Variants in ZNF280D observed in about 807,000 individuals in gnomAD.
The protein encoded by ZNF280D is zinc finger protein 280D.
Under a neutral mutation model 94.7 loss-of-function variants are expected in ZNF280D, and 39 were observed. That is an observed-to-expected ratio of 0.41 (90% CI 0.32 to 0.54). The LOEUF is 0.54. Among genes scored for constraint, ZNF280D ranks in the 20% least tolerant of loss-of-function variants. ZNF280D has a pLI of 0.22. For missense variants in ZNF280D, 1,090 were observed against 1,149.3 expected, an observed-to-expected ratio of 0.95 and a Z score of 0.75; for synonymous variants, 398 against 377.6, an observed-to-expected ratio of 1.05 and a Z score of -0.63.
chr15:56,732,443 T>C (rs2058938061), intron 1 of ZNF280D, among the ~76,000 whole-genome samples: 1 of 152,196 alleles, frequency 6.6e-6, no homozygotes, highest in African/African-American at 2.4e-5. Flanking sequence ...CAGCTGGAGT[T>C]GGCACAGCAG....
intron 1 of ZNF280D, among the ~76,000 whole-genome samples, chr15:56,718,437 C>T (rs1252893968): frequency 1.3e-5 from 2 of 152,156 alleles, no homozygotes; most frequent in African/African-American, 4.8e-5. Flanking sequence ...TCAAACACCT[C>T]AAATATTATA....
intron 1 of ZNF280D, 134 bp downstream of exon 1, chr15:56,733,324 T>C: frequency 2.5e-6 from 1 of 394,040 alleles, no homozygotes; most frequent in East Asian, 1.6e-4. Flanking sequence ...TCCCCCGCGC[T>C]CTGGGCGCTC....
chr15:56,699,682 C>T (rs536457756), intron 6 of ZNF280D: 1 of 680,022 alleles, frequency 1.5e-6, no homozygotes, highest in East Asian at 1.3e-4. Flanking sequence ...AAAAAAAAAT[C>T]AGGTAGTTTA....
chr15:56,637,840 G>A lies in ZNF280D; in HGVS notation c.2260-2590C>T, dbSNP rs368661305. ...TATTCTTCACACCACACCGAGACAA[G>A]TTAAAAAAAAAAACTTTATTAAATC... On this transcript the variant is annotated intron_variant, in intron 20 of 21. Coordinates refer to ENST00000267807, the MANE Select transcript of ZNF280D (RefSeq NM_017661.4). 3.1e-4 allele frequency among the ~76,000 whole-genome samples: 47 copies of A among 150,770 alleles called. No individual in the cohort carries two copies. In the South Asian group the frequency reaches 8.0e-3, roughly 26 times the overall value.
At chr15:56,716,848 GC>G (rs1468931713) in intron 1 of ZNF280D, among the ~76,000 whole-genome samples, 1 of 152,054 alleles carries the variant, frequency 6.6e-6, no homozygotes, top group African/African-American at 2.4e-5. Context: ...ATATTTATTG[GC>G]TCATTTGTAG....
chr15:56,708,332 G>A (rs563447953), intron 1 of ZNF280D, among the ~76,000 whole-genome samples: 115 of 152,224 alleles, frequency 7.6e-4, no homozygotes, highest in African/African-American at 2.7e-3. Flanking sequence ...TAGTTCTAAA[G>A]TTGTACTATT....
Position 56,646,361 on chromosome 15 carries a change from T to C in ZNF280D, c.2214-3364A>G, listed in dbSNP as rs557672612. 2.6e-5 allele frequency among the ~76,000 whole-genome samples: 4 copies of C among 152,202 alleles called. No homozygotes were observed. The South Asian group carries it at 8.3e-4, about 32-fold the overall frequency. ...AGGAGAATTGCTTGAGCCCAGGACT[T>C]TGAGGCTGCAGTGAGCCATGACTGC... On this transcript the variant is annotated intron_variant, in intron 19 of 21. Coordinates refer to ENST00000267807, the MANE Select transcript of ZNF280D (RefSeq NM_017661.4).
At chr15:56,676,942 G>T in intron 12 of ZNF280D, 126 bp from the exon 13 acceptor site, 1 of 673,870 alleles carries the variant, frequency 1.5e-6, no homozygotes, top group Non-Finnish European at 2.4e-6. Context: ...TGATGCCTTT[G>T]CAACCAAGAA....
chr15:56,666,256 C>A, intron 16 of ZNF280D, 139 bp downstream of exon 16: 1 of 761,976 alleles, frequency 1.3e-6, no homozygotes, highest in Non-Finnish European at 2.0e-6. Flanking sequence ...CAGGCAATAT[C>A]CTAAAAGTTC....
chr15:56,686,950 T>C (rs2056064746), intron 9 of ZNF280D, among the ~76,000 whole-genome samples: 1 of 152,108 alleles, frequency 6.6e-6, no homozygotes, highest in Non-Finnish European at 1.5e-5. Flanking sequence ...ATATTTGATA[T>C]TTTAAATATT....
intron 1 of ZNF280D, among the ~76,000 whole-genome samples, chr15:56,731,644 A>C (rs2058896900): frequency 6.6e-6 from 1 of 152,200 alleles, no homozygotes; most frequent in Non-Finnish European, 1.5e-5. Flanking sequence ...GTTACACAGA[A>C]AAATGGCCTT....
chr15:56,653,212 T>C (rs2053313770), intron 19 of ZNF280D: 1 of 1,092,064 alleles, frequency 9.2e-7, no homozygotes, highest in Non-Finnish European at 1.1e-6. Context: ...ACTGCATTCA[T>C]GCTAGAGAAA....
rs12900993 is a variant in ZNF280D at position 56,632,105 on chromosome 15, G to C, written c.2333C>G (p.Ala778Gly). 1 of 1,584,794 alleles carries C rather than the reference G, an allele frequency of 6.3e-7. No homozygotes were observed. Among genetic ancestry groups the C allele is most frequent in the Non-Finnish European group, 8.6e-7 (1 of 1,167,700 alleles). The change falls in exon 22 of 22, where the codon GCT becomes GGT. Residue 778 changes from alanine (A) to glycine (G), a missense_variant. This residue lies in a region of ZNF280D where 577 missense variants were observed against 568.8 expected (regional missense o/e 1.01). Transcript: ENST00000267807. The part of the protein sequence containing the change: ...SNSESKQDKA[A>G]SSKEKNGCNA... ...ACATCCATTTTTTTCTTTTGAAGAAGCAGCTTTATCTTGTTTACTGAAAAA... is the reference window on the plus strand; with the variant it reads ...ACATCCATTTTTTTCTTTTGAAGAACCAGCTTTATCTTGTTTACTGAAAAA...
intron 10 of ZNF280D, among the ~76,000 whole-genome samples, chr15:56,680,181 T>C (rs575121994): frequency 9.2e-5 from 14 of 152,188 alleles, no homozygotes; most frequent in Non-Finnish European, 1.5e-4. Flanking sequence ...TACCACAATA[T>C]ATTGACATGG....
chr15:56,691,012 A>C (rs2056393311), intron 7 of ZNF280D, among the ~76,000 whole-genome samples: 1 of 152,170 alleles, frequency 6.6e-6, no homozygotes, highest in Non-Finnish European at 1.5e-5. Flanking sequence ...TTTTTTATAA[A>C]ATAAGTTACA....
chr15:56,694,417 T>C (rs1312411531), intron 6 of ZNF280D, among the ~76,000 whole-genome samples: 1 of 151,568 alleles, frequency 6.6e-6, no homozygotes, highest in Non-Finnish European at 1.5e-5. Context: ...TTTTGGACCA[T>C]TCTACATGTC....
chr15:56,649,926 G>C (rs1264915234), intron 19 of ZNF280D, among the ~76,000 whole-genome samples: 2 of 151,982 alleles, frequency 1.3e-5, no homozygotes, highest in East Asian at 1.9e-4. Flanking sequence ...ACTGGTTTGA[G>C]AATAGCAGAA....
chr15:56,669,903 A>T (rs1395590629), intron 13 of ZNF280D, among the ~76,000 whole-genome samples: 175 of 2,542 alleles, frequency 0.069, 29 homozygotes, highest in African/African-American at 0.18. Context: ...TATATATATA[A>T]TATATATATA....
chr15:56,728,229 C>A (rs1266587677), intron 1 of ZNF280D, among the ~76,000 whole-genome samples: 1 of 151,886 alleles, frequency 6.6e-6, no homozygotes, highest in African/African-American at 2.4e-5. Context: ...TCTTATGTTG[C>A]CCAGGCTAGT....
Sources: gnomAD v4.1 joint callset for allele counts (sites outside exome capture counted in the v4.1 genomes callset) on GRCh38, gnomAD v4.1.1 for gene constraint, gnomAD v4.1.1 regional missense constraint, MANE v1.5 for transcripts, NCBI Gene and HGNC (gene_info 2026-07-23, HGNC 2026-07-21) for gene names.